The following PPP1CC variants were observed in gnomAD, a reference collection of about 807,000 sequenced individuals.
The protein encoded by PPP1CC is serine/threonine-protein phosphatase PP1-gamma catalytic subunit.
PPP1CC carries 16 observed loss-of-function variants against 38.4 expected under a neutral mutation model. That is an observed-to-expected ratio of 0.42 (90% CI 0.28 to 0.63). PPP1CC has a LOEUF of 0.63. Among genes scored for constraint, PPP1CC ranks in the 30% least tolerant of loss-of-function variants. The pLI is 0.25. For missense variants in PPP1CC, 170 were observed against 391.3 expected (o/e 0.43, Z 4.77); for synonymous variants, 158 against 136.0 (o/e 1.16, Z -1.13).
At chr12:110,724,550 G>GGA in intron 4 of PPP1CC, 110 bp downstream of exon 4, 2 of 679,872 alleles carry the variant, frequency 2.9e-6, no homozygotes, top group Non-Finnish European at 5.4e-6. Flanking sequence ...CATCAACAAA[G>GGA]GAGAGTGTTC....
downstream of PPP1CC, among the ~76,000 whole-genome samples, chr12:110,716,356 CTTTT>C (rs11065705): frequency 3.4e-5 from 5 of 145,366 alleles, no homozygotes; most frequent in East Asian, 6.0e-4. Flanking sequence ...TTAGTTTTAA[CTTTT>C]TTTTTTTTTT....
chr12:110,724,822 A>C, intron 3 of PPP1CC, 58 bp from the exon 4 acceptor site: 2 of 1,038,402 alleles, frequency 1.9e-6, no homozygotes, highest in Non-Finnish European at 3.0e-6. Flanking sequence ...CCGTAGGCTC[A>C]TTCTCTCAGG....
At chr12:110,712,066 T>C in the PPP1CC span, among the ~76,000 whole-genome samples, 1 of 152,126 alleles carries the variant, frequency 6.6e-6, no homozygotes, top group Non-Finnish European at 1.5e-5. Flanking sequence ...AGCTTTTCTA[T>C]ATATTTATAT....
intron 3 of PPP1CC, among the ~76,000 whole-genome samples, chr12:110,729,930 G>A (rs2069853184): frequency 6.6e-6 from 1 of 152,200 alleles, no homozygotes; most frequent in African/African-American, 2.4e-5. Context: ...TAAGAATTAA[G>A]TTATCTGTGA....
In PPP1CC at chr12:110,720,007, T is replaced by C; in HGVS notation, c.*1069A>G. The C allele has an allele frequency of 1.3e-6, 1 of 763,238 alleles. No homozygotes were observed. Among genetic ancestry groups the C allele is most frequent in the Non-Finnish European group, 2.1e-6 (1 of 485,896 alleles). The allele number at this position is 763,238 out of a possible 1,614,324, so 47.3% of individuals were successfully genotyped here. A position where few individuals can be genotyped will look rare whatever the true frequency, so the allele number is the denominator to read the frequency against. ...ATTTCTTTTTTAACAGATCTTAGTT[T>C]AAAAAAGTCATAGGTACTGTGAGTT... On this transcript the variant is annotated 3_prime_UTR_variant, in exon 7 of 7. Transcript: ENST00000335007.
chr12:110,721,680 G>A (rs987779898), intron 6 of PPP1CC: 1 of 186,840 alleles, frequency 5.4e-6, no homozygotes, highest in Admixed American at 5.7e-5. Context: ...AAAGGCTGAG[G>A]CAGATTCTAA....
intron 3 of PPP1CC, among the ~76,000 whole-genome samples, chr12:110,729,808 A>G (rs950110451): frequency 6.6e-6 from 1 of 152,214 alleles, no homozygotes; most frequent in Non-Finnish European, 1.5e-5. Context: ...TAACTCTATA[A>G]ATTTACTACA....
rs1653591205 is a variant in PPP1CC at position 110,722,735 on chromosome 12, C to T, written c.524-40G>A. ...AAAAAAAAAAATGAAGAAAGCAGAACTTTTAAAAGGATACTACCCCTTCAA... is the reference window on the plus strand; with the variant it reads ...AAAAAAAAAAATGAAGAAAGCAGAATTTTTAAAAGGATACTACCCCTTCAA... On this transcript the variant is annotated intron_variant, in intron 4 of 6. Coordinates refer to ENST00000335007, the MANE Select transcript of PPP1CC (RefSeq NM_002710.4). This position sits in a 1 kb window ranked among gnomAD's most constrained non-coding sequence, Gnocchi z 5.4. The T allele has an allele frequency of 6.6e-7, 1 of 1,516,352 alleles. No homozygotes were observed. Among genetic ancestry groups the T allele is most frequent in the Non-Finnish European group, 8.9e-7 (1 of 1,118,316 alleles). 93.9% of individuals were successfully genotyped at this position (1,516,352 alleles called of 1,614,324 possible).
At chr12:110,721,402 A>ATACGGCGAC in intron 6 of PPP1CC, 7 of 384,074 alleles carry the variant, frequency 1.8e-5, no homozygotes, top group Middle Eastern at 7.2e-4. Flanking sequence ...GAGTATAATG[A>ATACGGCGAC]CAATCTTCTG....
chr12:110,716,813 A>G (rs2069691194), downstream of PPP1CC, among the ~76,000 whole-genome samples: 1 of 152,110 alleles, frequency 6.6e-6, no homozygotes, highest in Non-Finnish European at 1.5e-5. Context: ...CTGGATGACA[A>G]CAAGTCCGTT....
chr12:110,726,767 A>C (rs1432106725), intron 3 of PPP1CC: 3 of 152,144 alleles, frequency 2.0e-5, no homozygotes, highest in Admixed American at 2.0e-4. Context: ...GGGATGTTTA[A>C]CCAGTAATTA....
intron 3 of PPP1CC, among the ~76,000 whole-genome samples, chr12:110,727,625 A>AAAAG (rs2069815031): frequency 6.6e-6 from 1 of 152,160 alleles, no homozygotes; most frequent in Non-Finnish European, 1.5e-5. Context: ...AAAAAAAAAA[A>AAAAG]AAAGAAATGG....
intron 3 of PPP1CC, chr12:110,725,543 G>A (rs931552415): frequency 6.6e-6 from 1 of 152,264 alleles, no homozygotes; most frequent in African/African-American, 2.4e-5. Context: ...GTCACAGGAT[G>A]GTCATGTTCC....
At chr12:110,728,350 G>C (rs553229432) in intron 3 of PPP1CC, among the ~76,000 whole-genome samples, 2 of 147,688 alleles carry the variant, frequency 1.4e-5, no homozygotes, top group South Asian at 4.3e-4. Flanking sequence ...AGTGAGGCGA[G>C]ATCGCGCCCT....
intron 1 of PPP1CC, among the ~76,000 whole-genome samples, chr12:110,739,591 A>G (rs534002749): frequency 3.9e-5 from 6 of 152,308 alleles, no homozygotes; most frequent in South Asian, 2.1e-4. Flanking sequence ...TAAATCTGTA[A>G]GCACTTTCTG....
chr12:110,727,269 C>A (rs1449085952), intron 3 of PPP1CC, among the ~76,000 whole-genome samples: 1 of 152,180 alleles, frequency 6.6e-6, no homozygotes, highest in African/African-American at 2.4e-5. Flanking sequence ...TTTAGTTATG[C>A]CACATACTCC....
chr12:110,712,863 G>A, the PPP1CC span, among the ~76,000 whole-genome samples: 1 of 151,762 alleles, frequency 6.6e-6, no homozygotes, highest in East Asian at 2.0e-4. Context: ...CCTGAGGTAG[G>A]GAGTTCGAGA....
chr12:110,718,841 T>C (rs1387889386), downstream of PPP1CC, among the ~76,000 whole-genome samples: 1 of 152,170 alleles, frequency 6.6e-6, no homozygotes, highest in Non-Finnish European at 1.5e-5. Flanking sequence ...GATTTCAAAC[T>C]GAGTCTCTCC....
intron 1 of PPP1CC, 137 bp from the exon 2 acceptor site, chr12:110,732,038 G>T: frequency 1.2e-6 from 1 of 858,856 alleles, no homozygotes. Context: ...AATAAACATG[G>T]TTTTAATGTC....
Sources: allele counts gnomAD v4.1 joint callset (sites outside exome capture counted in the v4.1 genomes callset), GRCh38; gene constraint gnomAD v4.1.1; non-coding constraint Gnocchi (gnomAD v3.1); transcripts MANE v1.5; gene names NCBI Gene and HGNC (gene_info 2026-07-23, HGNC 2026-07-21).